The following SBF2 variants were observed in gnomAD, a reference collection of about 807,000 sequenced individuals.
The protein encoded by SBF2 is SET binding factor 2.
In SBF2, 112 loss-of-function variants were observed where a neutral mutation model predicts 225.2. The observed-to-expected ratio is 0.50, with a 90% CI of 0.43 to 0.58. The LOEUF (loss-of-function observed/expected upper bound fraction) is 0.58, where lower values mean the gene tolerates loss of function less well. Ranked by LOEUF, SBF2 falls within the 20% of genes least tolerant of loss-of-function variation. SBF2 has a pLI of 0.00. For missense variants in SBF2, 1,996 were observed against 2,206.2 expected (o/e 0.90, Z 1.91); for synonymous variants, 763 against 773.3 (o/e 0.99, Z 0.22).
At chr11:10,011,511 G>A (rs994309497) in intron 6 of SBF2, among the ~76,000 whole-genome samples, 4 of 152,190 alleles carry the variant, frequency 2.6e-5, no homozygotes, top group Admixed American at 1.3e-4. Context: ...GAGCCACCAC[G>A]CCTGGCCTTC....
chr11:10,300,263 G>A (rs962534678), intron 1 of SBF2, among the ~76,000 whole-genome samples: 1 of 152,196 alleles, frequency 6.6e-6, no homozygotes, highest in African/African-American at 2.4e-5. Context: ...CTGCATTGGT[G>A]ATTACTGTAT....
At chr11:9,907,801 A>T (rs1862227286) in intron 16 of SBF2, among the ~76,000 whole-genome samples, 1 of 152,240 alleles carries the variant, frequency 6.6e-6, no homozygotes, top group Non-Finnish European at 1.5e-5. Flanking sequence ...TAAGTATCAC[A>T]CATATTTGAA....
chr11:10,019,084 C>T (rs1300246053), intron 6 of SBF2, among the ~76,000 whole-genome samples: 1 of 152,138 alleles, frequency 6.6e-6, no homozygotes, highest in Non-Finnish European at 1.5e-5. Flanking sequence ...GCTAAAAGTA[C>T]ATCTGGGGTA....
At chr11:9,958,127 G>C (rs1044720453) in intron 16 of SBF2, 1 of 152,206 alleles carries the variant, frequency 6.6e-6, no homozygotes, top group African/African-American at 2.4e-5. Context: ...CATGCAGTCT[G>C]TTCCGATAGC....
At chr11:10,104,685 G>T (rs981876978) in intron 2 of SBF2, among the ~76,000 whole-genome samples, 13 of 152,164 alleles carry the variant, frequency 8.5e-5, no homozygotes, top group Non-Finnish European at 2.9e-5. Flanking sequence ...AGTCACATTA[G>T]ATTCTACCAG....
upstream of SBF2, among the ~76,000 whole-genome samples, chr11:10,295,461 A>G (rs891243276): frequency 6.6e-6 from 1 of 152,126 alleles, no homozygotes. Context: ...GTTGGGCTGC[A>G]CTAGAACTGA....
chr11:10,180,556 T>C (rs1956698496), intron 2 of SBF2, among the ~76,000 whole-genome samples: 1 of 152,162 alleles, frequency 6.6e-6, no homozygotes, highest in South Asian at 2.1e-4. Flanking sequence ...ATATTCTTCT[T>C]TGGATTAAAT....
In SBF2 at chr11:10,143,249, G is replaced by A. The variant is rs556995745; in HGVS notation, c.141+50653C>T. ...TGCAATGGCGCAATCTCGGCTCACC[G>A]TAACCTCTGCCTCCTGGGTTCAAGC... On this transcript the variant is annotated intron_variant, in intron 2 of 39. Transcript: ENST00000256190. Among the ~76,000 whole-genome samples, 7 of 151,922 alleles carry A rather than the reference G, an allele frequency of 4.6e-5. No individual in the cohort carries two copies. In the South Asian group the frequency reaches 1.0e-3, roughly 23 times the overall value.
At chr11:10,136,418 G>A (rs1191391678) in intron 2 of SBF2, among the ~76,000 whole-genome samples, 2 of 152,064 alleles carry the variant, frequency 1.3e-5, no homozygotes, top group African/African-American at 2.4e-5. Context: ...TTGAAGCTGG[G>A]GACTTTTAGC....
In SBF2 at chr11:9,787,692, C is replaced by CA. The variant is rs762232787; in HGVS notation, c.4978dup (p.Trp1660LeufsTer13). On this transcript the variant is annotated frameshift_variant, in exon 36 of 40. Transcript: ENST00000256190. LOFTEE classifies it high-confidence loss of function. ...GGTTACCCTTTCCCACAGCTGCTGCCACTTCTCAGGGGCTTGGTTCAATTT... is the reference window on the plus strand; with the variant it reads ...GGTTACCCTTTCCCACAGCTGCTGCCAACTTCTCAGGGGCTTGGTTCAATTT... 1 of 1,614,208 alleles carries CA rather than the reference C, an allele frequency of 6.2e-7. No individual in the cohort carries two copies. Among genetic ancestry groups the CA allele is most frequent in the Non-Finnish European group, 8.5e-7 (1 of 1,180,050 alleles).
chr11:9,896,905 T>C (rs1023862991), intron 16 of SBF2, among the ~76,000 whole-genome samples: 3 of 152,034 alleles, frequency 2.0e-5, no homozygotes, highest in African/African-American at 7.2e-5. Flanking sequence ...TCAGGAAATC[T>C]CAGTGGGAAG....
chr11:9,780,100 C>T lies in SBF2; in HGVS notation c.*318G>A, dbSNP rs1564845111. On this transcript the variant is annotated 3_prime_UTR_variant, in exon 40 of 40. Transcript: ENST00000256190. ...GATCTATAGCTTTCATGAAGAAGGACCCAAGTAGGTGGTAGCCATTTTGCC... is the reference window on the plus strand; with the variant it reads ...GATCTATAGCTTTCATGAAGAAGGATCCAAGTAGGTGGTAGCCATTTTGCC... 1 of 374,728 alleles carries T rather than the reference C, an allele frequency of 2.7e-6. No individual in the cohort carries two copies. The highest frequency in any genetic ancestry group is 5.1e-6 in the Non-Finnish European group (1 of 195,598). 23.2% of individuals were successfully genotyped at this position (374,728 alleles called of 1,614,324 possible).
intron 2 of SBF2, among the ~76,000 whole-genome samples, chr11:10,093,432 C>T (rs2134927736): frequency 6.6e-6 from 1 of 150,718 alleles, no homozygotes; most frequent in African/African-American, 2.4e-5. Context: ...AAAGAATAAG[C>T]TGCTTTAGAT....
At chr11:9,809,475 G>A (rs911523830) in intron 30 of SBF2, among the ~76,000 whole-genome samples, 11 of 151,828 alleles carry the variant, frequency 7.2e-5, no homozygotes, top group East Asian at 1.9e-4. Flanking sequence ...AACAAAAGAC[G>A]GAAATTCAGA....
chr11:10,100,606 G>A (rs192171153), intron 2 of SBF2, among the ~76,000 whole-genome samples: 18 of 152,252 alleles, frequency 1.2e-4, no homozygotes, highest in Admixed American at 1.2e-3. Context: ...CCTGGTCATG[G>A]AGTGCTTATA....
intron 2 of SBF2, among the ~76,000 whole-genome samples, chr11:10,081,363 C>T (rs1454589668): frequency 6.6e-6 from 1 of 151,852 alleles, no homozygotes; most frequent in African/African-American, 2.4e-5. Context: ...AAATTTACAA[C>T]AAAAATTGAA....
chr11:10,232,645 T>C (rs1278333242), intron 1 of SBF2, among the ~76,000 whole-genome samples: 1 of 151,264 alleles, frequency 6.6e-6, no homozygotes, highest in African/African-American at 2.4e-5. Flanking sequence ...CTCACTGCAG[T>C]CTTGAACTCC....
At chr11:9,810,297 T>C (rs1384474125) in intron 30 of SBF2, 3 of 152,042 alleles carry the variant, frequency 2.0e-5, no homozygotes, top group Admixed American at 6.6e-5. Context: ...ATAAAAAAGA[T>C]ACTCCTATTT....
At chr11:9,937,648 T>G (rs541681079) in intron 16 of SBF2, among the ~76,000 whole-genome samples, 5 of 152,248 alleles carry the variant, frequency 3.3e-5, no homozygotes, top group African/African-American at 9.6e-5. Flanking sequence ...AATAAATAAA[T>G]TGTATAAAAA....
Sources: allele counts gnomAD v4.1 joint callset (sites outside exome capture counted in the v4.1 genomes callset), GRCh38; gene constraint gnomAD v4.1.1; transcripts MANE v1.5; gene names NCBI Gene and HGNC (gene_info 2026-07-23, HGNC 2026-07-21).